CCDC63: variants seen among roughly 807,000 people sequenced by gnomAD.
CCDC63 encodes the protein coiled-coil domain-containing protein 63.
Under a neutral mutation model 63.6 loss-of-function variants are expected in CCDC63, and 54 were observed. That is an observed-to-expected ratio of 0.85 (90% CI 0.68 to 1.07). CCDC63 has a LOEUF of 1.07. Among genes scored for constraint, CCDC63 ranks in the 50% least tolerant of loss-of-function variants. CCDC63 has a pLI of 0.00. For synonymous variants in CCDC63, 253 were observed against 266.1 expected (o/e 0.95, Z 0.48); for missense variants, 637 against 689.6 (o/e 0.92, Z 0.86).
chr12:110,860,398 C>T (rs1002112307), intron 4 of CCDC63, among the ~76,000 whole-genome samples: 11 of 152,182 alleles, frequency 7.2e-5, no homozygotes, highest in African/African-American at 2.4e-4. Flanking sequence ...CCCTAAGCAG[C>T]CTGACAGCTT....
intron 3 of CCDC63, among the ~76,000 whole-genome samples, chr12:110,855,329 G>T (rs1448392836): frequency 6.6e-6 from 1 of 152,142 alleles, no homozygotes; most frequent in Non-Finnish European, 1.5e-5. Flanking sequence ...GCTTCCTAGG[G>T]TTGTGCAGGC....
rs551862509 is a variant in CCDC63, at chr12:110,889,493, T to C, written c.1075-3583T>C. On this transcript the variant is annotated intron_variant, in intron 8 of 11. Transcript: ENST00000308208. This position sits in a 1 kb window ranked among gnomAD's most constrained non-coding sequence, Gnocchi z 4.1. ...TGAAGGATTGAGCTGTCCAGATCTC[T>C]GGGGAAGAACGCTCCAGGCAGAGGA... Among the ~76,000 whole-genome samples, 2 of 152,182 alleles carry C rather than the reference T, an allele frequency of 1.3e-5. No homozygotes were observed. The highest frequency in any genetic ancestry group is 4.8e-5 in the African/African-American group (2 of 41,522).
chr12:110,888,322 C>T (rs2071311181), intron 8 of CCDC63, among the ~76,000 whole-genome samples: 1 of 152,144 alleles, frequency 6.6e-6, no homozygotes, highest in Non-Finnish European at 1.5e-5. Context: ...GTATGAGGAC[C>T]CCAGCTGAAT....
At chr12:110,860,333 C>A (rs1437319179) in intron 4 of CCDC63, among the ~76,000 whole-genome samples, 2 of 152,260 alleles carry the variant, frequency 1.3e-5, no homozygotes, top group Non-Finnish European at 2.9e-5. Context: ...CACAGTACCC[C>A]CTTCATAGCT....
At position 110,852,834 on chromosome 12, in the gene CCDC63, C is replaced by A. The variant is rs1016119295; in HGVS notation, c.-96-25C>A. 10 of 1,530,400 alleles carry A rather than the reference C, an allele frequency of 6.5e-6. No homozygotes were observed. In the African/African-American group the frequency reaches 8.2e-5, roughly 13 times the overall value. 94.8% of individuals were successfully genotyped at this position (1,530,400 alleles called of 1,614,324 possible). A position where few individuals can be genotyped will look rare whatever the true frequency, so the allele number is the denominator to read the frequency against. ...CCCCAGCAGGGGTGGCTTACAAGTT[C>A]TCTTCCTTTTGCCACCATGAACAGG... On this transcript the variant is annotated intron_variant, in intron 1 of 11. Coordinates refer to ENST00000308208, the MANE Select transcript of CCDC63 (RefSeq NM_152591.3).
At chr12:110,890,012 C>G (rs1298004945) in intron 8 of CCDC63, among the ~76,000 whole-genome samples, 1 of 152,042 alleles carries the variant, frequency 6.6e-6, no homozygotes, top group Non-Finnish European at 1.5e-5. Flanking sequence ...TGGTAGAGTT[C>G]TTTCTGCTTT....
At chr12:110,868,708 G>A (rs1202599476) in intron 4 of CCDC63, among the ~76,000 whole-genome samples, 1 of 138,792 alleles carries the variant, frequency 7.2e-6, no homozygotes, top group Non-Finnish European at 1.6e-5. Context: ...GAGGGAGACC[G>A]TGGGGAGAGG....
intron 10 of CCDC63, among the ~76,000 whole-genome samples, chr12:110,899,980 G>A (rs924082778): frequency 5.9e-5 from 9 of 151,976 alleles, no homozygotes; most frequent in African/African-American, 1.9e-4. Context: ...TTGGGAGGCC[G>A]AGGCGGGCAG....
At chr12:110,862,126 G>C (rs2070861853) in intron 4 of CCDC63, among the ~76,000 whole-genome samples, 1 of 152,198 alleles carries the variant, frequency 6.6e-6, no homozygotes, top group Non-Finnish European at 1.5e-5. Context: ...TGACTGAAAG[G>C]TGACAAAGGA....
chr12:110,870,824 A>G (rs4766514), intron 4 of CCDC63, among the ~76,000 whole-genome samples: 31,671 of 152,050 alleles, frequency 0.21, 3,479 homozygotes, highest in African/African-American at 0.25. Context: ...ACGAAACTCA[A>G]AACACAACCC....
At position 110,884,273 on chromosome 12, in the gene CCDC63, A is replaced by T. The variant is rs779290328; in HGVS notation, c.1074+23A>T. 3.1e-6 allele frequency: 5 copies of T among 1,594,092 alleles called. No individual in the cohort carries two copies. The South Asian group carries it at 5.5e-5, about 18-fold the overall frequency. On this transcript the variant is annotated intron_variant, in intron 8 of 11. Coordinates refer to ENST00000308208, the MANE Select transcript of CCDC63 (RefSeq NM_152591.3). ...CAGGTCAGGGCGGCTCTGCTTTCCC[A>T]GGCCCTGGGCCCCTGTGTCCACAGC...
chr12:110,858,782 T>C lies in CCDC63; in HGVS notation c.369+7T>C. On this transcript the variant is annotated splice_region_variant and intron_variant, in intron 4 of 11. Coordinates refer to ENST00000308208, the MANE Select transcript of CCDC63 (RefSeq NM_152591.3). ...GGCTGAACTGGATGAGAAGGTGTGG[T>C]CTTTCTCTTAAAGGGTTAACCAGAA... 1 of 1,611,200 alleles carries C rather than the reference T, an allele frequency of 6.2e-7. No individual in the cohort carries two copies.
intron 10 of CCDC63, among the ~76,000 whole-genome samples, chr12:110,903,281 G>A (rs2071514329): frequency 6.6e-6 from 1 of 152,230 alleles, no homozygotes; most frequent in South Asian, 2.1e-4. Context: ...GGGATTACAG[G>A]CAGGAGCCAT....
At chr12:110,894,397 G>A (rs966729494) in intron 9 of CCDC63, among the ~76,000 whole-genome samples, 8 of 152,172 alleles carry the variant, frequency 5.3e-5, no homozygotes. Flanking sequence ...GAGGTATAAG[G>A]AAAGAGTGGA....
chr12:110,865,746 G>A (rs2070938906), intron 4 of CCDC63, among the ~76,000 whole-genome samples: 1 of 152,204 alleles, frequency 6.6e-6, no homozygotes, highest in African/African-American at 2.4e-5. Context: ...GCAGCTAAGG[G>A]TGGACAGTGA....
rs1351417088 is a variant in CCDC63, at chr12:110,873,839, C to T, written c.370-3C>T. ...GGAATTTCTCTCTCTCTCTCTTTTT[C>T]AGATTCTTCAGATGGAAAAAAAAAT... is the stretch of plus-strand genomic sequence containing the variant. On this transcript the variant is annotated splice_region_variant and splice_polypyrimidine_tract_variant and intron_variant, in intron 4 of 11. Transcript: ENST00000308208. The T allele has an allele frequency of 6.2e-7, 1 of 1,611,184 alleles. No homozygotes were observed. Among genetic ancestry groups the T allele is most frequent in the Non-Finnish European group, 8.5e-7 (1 of 1,179,322 alleles).
chr12:110,895,848 C>A (rs576220400), intron 9 of CCDC63, among the ~76,000 whole-genome samples: 1 of 152,304 alleles, frequency 6.6e-6, no homozygotes, highest in South Asian at 2.1e-4. Context: ...GTCACCCTCA[C>A]TTTGTTACTA....
At chr12:110,894,596 G>C (rs1289664638) in intron 9 of CCDC63, among the ~76,000 whole-genome samples, 2 of 152,186 alleles carry the variant, frequency 1.3e-5, no homozygotes, top group East Asian at 3.9e-4. Flanking sequence ...GCTCAGAGCG[G>C]CATCTCCCGG....
In CCDC63 at chr12:110,889,361, G is replaced by T. The variant is rs781036377; in HGVS notation, c.1075-3715G>T. Among the ~76,000 whole-genome samples the T allele has an allele frequency of 6.6e-6, 1 of 152,180 alleles. No individual in the cohort carries two copies. Among genetic ancestry groups the T allele is most frequent in the Non-Finnish European group, 1.5e-5 (1 of 68,044 alleles). On this transcript the variant is annotated intron_variant, in intron 8 of 11. Coordinates refer to ENST00000308208, the MANE Select transcript of CCDC63 (RefSeq NM_152591.3). The surrounding 1 kb of genome is among the most constrained non-coding windows in gnomAD (Gnocchi z 4.1). ...TAAGTTATAGAGTAAGTTAGAAAGGGAGATGCAGTGTGGGTAAAAAGATGA... is the reference window on the plus strand; with the variant it reads ...TAAGTTATAGAGTAAGTTAGAAAGGTAGATGCAGTGTGGGTAAAAAGATGA...
Sources: gnomAD v4.1 joint callset for allele counts (sites outside exome capture counted in the v4.1 genomes callset) on GRCh38, gnomAD v4.1.1 for gene constraint, Gnocchi (gnomAD v3.1) non-coding constraint, MANE v1.5 for transcripts, NCBI Gene and HGNC (gene_info 2026-07-23, HGNC 2026-07-21) for gene names.